MAP3K9: variants seen among roughly 807,000 people sequenced by gnomAD.
The protein encoded by MAP3K9 is mixed lineage kinase 1 (tyr and ser/thr specificity).
In MAP3K9, 46 loss-of-function variants were observed where a neutral mutation model predicts 95.8. That is an observed-to-expected ratio of 0.48 (90% CI 0.38 to 0.61). The LOEUF (loss-of-function observed/expected upper bound fraction) is 0.61. MAP3K9 is among the 20% of genes least tolerant of loss of function. The pLI, the probability that MAP3K9 is intolerant of heterozygous loss-of-function variation, is 0.00. For synonymous variants in MAP3K9, 533 were observed against 593.8 expected, an observed-to-expected ratio of 0.90 and a Z score of 1.49; for missense variants, 1,296 against 1,474.3, an observed-to-expected ratio of 0.88 and a Z score of 1.98.
At position 70,750,081 on chromosome 14, in the gene MAP3K9, G is replaced by C; in HGVS notation, c.1002C>G (p.Ser334Arg). 1 of 1,614,122 alleles carries C rather than the reference G, an allele frequency of 6.2e-7. No homozygotes were observed. Among genetic ancestry groups the C allele is most frequent in the East Asian group, 2.2e-5 (1 of 44,890 alleles). ...GCAACTCCCAAAGTAGCACCCCATA[G>C]CTAAGGAGAGGAAGAAGACAGAAGC... ...SMFSKGSDVWSYGVLLWELLT... is the reference protein window; with the variant it reads ...SMFSKGSDVWRYGVLLWELLT... Residue 334 changes from serine to arginine, a missense_variant and splice_region_variant, in exon 4 of 12, where the codon AGC (serine) becomes AGG (arginine). Coordinates refer to ENST00000554752, the MANE Select transcript of MAP3K9 (RefSeq NM_001284230.2).
chr14:70,750,561 T>G lies in MAP3K9; in HGVS notation c.1002-480A>C, dbSNP rs891491390. Reference sequence around the variant, plus strand: ...GTGCAGTGGCGTGATCTCGGCTCACTGCAACCTCCATCTCCTGGGTTCAAG... The same window carrying G: ...GTGCAGTGGCGTGATCTCGGCTCACGGCAACCTCCATCTCCTGGGTTCAAG... On this transcript the variant is annotated intron_variant, in intron 3 of 11. Coordinates refer to ENST00000554752, the MANE Select transcript of MAP3K9 (RefSeq NM_001284230.2). Among the ~76,000 whole-genome samples the G allele has an allele frequency of 1.1e-3, 162 of 152,302 alleles. 1 individual carries two copies. The highest frequency in any genetic ancestry group is 3.6e-3 in the African/African-American group (151 of 41,550).
Position 70,726,279 on chromosome 14 carries a change from G to A in MAP3K9, c.*4101C>T, listed in dbSNP as rs751782420. On this transcript the variant is annotated 3_prime_UTR_variant, in exon 12 of 12. Transcript: ENST00000554752. ...AAAAGTCAGGTCTAGATGTCCTTGG[G>A]GTATCTCATTGTGTCCCTGAGCAAC... 3 of 152,254 alleles carry A rather than the reference G, an allele frequency of 2.0e-5. No individual in the cohort carries two copies. Among genetic ancestry groups the A allele is most frequent in the African/African-American group, 7.2e-5 (3 of 41,442 alleles). 9.4% of individuals were successfully genotyped at this position (152,254 alleles called of 1,614,324 possible).
chr14:70,794,693 T>TTC (rs1555372584), intron 2 of MAP3K9, among the ~76,000 whole-genome samples: 1 of 150,926 alleles, frequency 6.6e-6, no homozygotes. Flanking sequence ...CTTTTTTTTT[T>TTC]CCAAGATGTT....
intron 5 of MAP3K9, among the ~76,000 whole-genome samples, chr14:70,744,722 T>A (rs2054121862): frequency 6.6e-6 from 1 of 152,174 alleles, no homozygotes; most frequent in East Asian, 1.9e-4. Flanking sequence ...AACTGCTCAA[T>A]GAGCACAGGA....
At chr14:70,736,334 G>A (rs1357540432) in intron 8 of MAP3K9, among the ~76,000 whole-genome samples, 1 of 152,150 alleles carries the variant, frequency 6.6e-6, no homozygotes, top group Non-Finnish European at 1.5e-5. Context: ...TTTTTTAAAA[G>A]GATGAGGATG....
rs2053847736 is a variant in MAP3K9 at position 70,728,312 on chromosome 14, C to A, written c.*2068G>T. The stretch of plus-strand genomic sequence containing the variant: ...AATTTTTTTGTATTTTTAGTAGAGA[C>A]AGGATATCTCCATGTTGGTCAGGCT... On this transcript the variant is annotated 3_prime_UTR_variant, in exon 12 of 12. Transcript: ENST00000554752. The A allele has an allele frequency of 6.6e-6, 1 of 151,834 alleles. No homozygotes were observed. Among genetic ancestry groups the A allele is most frequent in the Admixed American group, 6.6e-5 (1 of 15,232 alleles). 9.4% of individuals were successfully genotyped at this position (151,834 alleles called of 1,614,324 possible). A position where few individuals can be genotyped will look rare whatever the true frequency, so the allele number is the denominator to read the frequency against.
chr14:70,738,447 C>T (rs750024938), intron 7 of MAP3K9, 49 bp from the exon 8 acceptor site: 5 of 1,552,348 alleles, frequency 3.2e-6, no homozygotes, highest in Non-Finnish European at 3.5e-6. Flanking sequence ...ACAGACAGGG[C>T]TCCCCCAAAC....
At chr14:70,774,696 T>C (rs560653510) in intron 2 of MAP3K9, among the ~76,000 whole-genome samples, 54 of 150,244 alleles carry the variant, frequency 3.6e-4, no homozygotes, top group African/African-American at 1.2e-3. Context: ...ACAAAATGTA[T>C]GTCAAAAAGG....
At position 70,726,765 on chromosome 14, in the gene MAP3K9, C is replaced by T. The variant is rs1341094622; in HGVS notation, c.*3615G>A. The T allele has an allele frequency of 6.6e-6, 1 of 152,266 alleles. No homozygotes were observed. Among genetic ancestry groups the T allele is most frequent in the Non-Finnish European group, 1.5e-5 (1 of 68,068 alleles). 9.4% of individuals were successfully genotyped at this position (152,266 alleles called of 1,614,324 possible). A position where few individuals can be genotyped will look rare whatever the true frequency, so the allele number is the denominator to read the frequency against. On this transcript the variant is annotated 3_prime_UTR_variant, in exon 12 of 12. Coordinates refer to ENST00000554752, the MANE Select transcript of MAP3K9 (RefSeq NM_001284230.2). ...CCCTCAAGGCAAAGGTGATGAGAGC[C>T]ACACTCTCAACTTCAGCGATTCATC...
In MAP3K9 at chr14:70,730,659, G is replaced by A. The variant is rs141823831; in HGVS notation, c.3036C>T (p.Pro1012=). 3.1e-6 allele frequency: 5 copies of A among 1,613,706 alleles called. No individual in the cohort carries two copies. The highest frequency in any genetic ancestry group is 2.2e-5 in the East Asian group (1 of 44,880). The change falls in exon 12 of 12, where the codon CCC becomes CCT. Residue 1012 remains proline (P), a synonymous_variant. Coordinates refer to ENST00000554752, the MANE Select transcript of MAP3K9 (RefSeq NM_001284230.2). ...QRLDPWWFVS[P]SHARSTSPAN... Reference sequence around the variant, plus strand: ...CTGGGGAGGTGCTGCGGGCATGGCTGGGGGACACAAACCACCAAGGGTCCA... The same window carrying A: ...CTGGGGAGGTGCTGCGGGCATGGCTAGGGGACACAAACCACCAAGGGTCCA...
rs2053855316 is a variant in MAP3K9 at position 70,728,847 on chromosome 14, T to C, written c.*1533A>G. On this transcript the variant is annotated 3_prime_UTR_variant, in exon 12 of 12. Transcript: ENST00000554752. ...GAGTGACCTCCAAGACAAAAGACAG[T>C]GGAGCAGCATTCAGAGAGTCTTGAG... 6.6e-6 allele frequency: 1 copy of C among 151,156 alleles called. No homozygotes were observed. The highest frequency in any genetic ancestry group is 2.4e-5 in the African/African-American group (1 of 41,130). The allele number at this position is 151,156 out of a possible 1,614,324, so 9.4% of individuals were successfully genotyped here. A position where few individuals can be genotyped will look rare whatever the true frequency, so the allele number is the denominator to read the frequency against.
intron 8 of MAP3K9, among the ~76,000 whole-genome samples, chr14:70,737,752 G>C (rs2054004994): frequency 6.6e-6 from 1 of 152,182 alleles, no homozygotes; most frequent in Non-Finnish European, 1.5e-5. Flanking sequence ...TTTAAAAATG[G>C]AAGAAGAGCC....
At position 70,730,465 on chromosome 14, in the gene MAP3K9, T is replaced by C; in HGVS notation, c.3230A>G (p.Gln1077Arg). The change falls in exon 12 of 12, where the codon CAG (glutamine) becomes CGG (arginine). Residue 1077 changes from glutamine (Q) to arginine (R), a missense_variant. Gln to Arg is a conservative substitution (Grantham distance 43). Around this residue, in one of 5 missense-constraint regions of MAP3K9, gnomAD observed 433 missense variants for 441.4 expected, o/e 0.98. Coordinates refer to ENST00000554752, the MANE Select transcript of MAP3K9 (RefSeq NM_001284230.2). ...LLDLDAEGQS[Q>R]DSTVPLCRAE... Reference sequence around the variant, plus strand: ...TCTGCACAGCGGCACGGTGCTGTCCTGACTCTGCCCCTCTGCATCCAGGTC... The same window carrying C: ...TCTGCACAGCGGCACGGTGCTGTCCCGACTCTGCCCCTCTGCATCCAGGTC... 6.2e-7 allele frequency: 1 copy of C among 1,614,220 alleles called. No individual in the cohort carries two copies. The highest frequency in any genetic ancestry group is 8.5e-7 in the Non-Finnish European group (1 of 1,180,048).
At chr14:70,775,302 T>C (rs1389317365) in intron 2 of MAP3K9, among the ~76,000 whole-genome samples, 1 of 152,154 alleles carries the variant, frequency 6.6e-6, no homozygotes, top group Non-Finnish European at 1.5e-5. Flanking sequence ...CATTTTATAG[T>C]TGAGGAAGCT....
chr14:70,791,070 T>C (rs1287472313), intron 2 of MAP3K9, among the ~76,000 whole-genome samples: 1 of 152,056 alleles, frequency 6.6e-6, no homozygotes, highest in Non-Finnish European at 1.5e-5. Flanking sequence ...CCAGGTTTGG[T>C]TGGGAGGGAT....
intron 3 of MAP3K9, among the ~76,000 whole-genome samples, chr14:70,759,688 C>A (rs974961123): frequency 2.6e-5 from 4 of 152,144 alleles, no homozygotes; most frequent in African/African-American, 9.7e-5. Context: ...GCTACAGCAG[C>A]CCTAGGAAAC....
intron 2 of MAP3K9, among the ~76,000 whole-genome samples, chr14:70,767,618 A>G (rs929675711): frequency 6.6e-6 from 1 of 152,150 alleles, no homozygotes; most frequent in East Asian, 1.9e-4. Flanking sequence ...GGACACACAG[A>G]GAAAGATAAC....
At chr14:70,764,611 G>GT in intron 2 of MAP3K9, among the ~76,000 whole-genome samples, 1 of 151,342 alleles carries the variant, frequency 6.6e-6, no homozygotes, top group South Asian at 2.1e-4. Context: ...TGGGAGGATC[G>GT]TTTGAGCCCA....
intron 3 of MAP3K9, among the ~76,000 whole-genome samples, chr14:70,758,929 A>AT (rs1482425335): frequency 6.6e-6 from 1 of 152,192 alleles, no homozygotes; most frequent in Non-Finnish European, 1.5e-5. Context: ...CGCCTAGCTA[A>AT]TTTTGTATTA....
Sources: allele counts gnomAD v4.1 joint callset (sites outside exome capture counted in the v4.1 genomes callset), GRCh38; gene constraint gnomAD v4.1.1; regional missense constraint gnomAD v4.1.1; transcripts MANE v1.5; gene names NCBI Gene and HGNC (gene_info 2026-07-23, HGNC 2026-07-21).